SHISA9: variants seen among roughly 807,000 people sequenced by gnomAD.
The protein encoded by SHISA9 is shisa family member 9, also known as protein shisa-9.
In SHISA9, 13 loss-of-function variants were observed where a neutral mutation model predicts 38.0. The ratio of observed to expected loss-of-function variants is 0.34; its 90% CI spans 0.22 to 0.54. The LOEUF (loss-of-function observed/expected upper bound fraction) is 0.54. Among genes scored for constraint, SHISA9 ranks in the 20% least tolerant of loss-of-function variants. The probability of loss-of-function intolerance (pLI) is 0.91; values close to 1 mark genes in which losing one functional copy is unlikely to be tolerated. For missense variants in SHISA9, 538 were observed against 575.8 expected (o/e 0.93, Z 0.67); for synonymous variants, 275 against 242.0 (o/e 1.14, Z -1.27).
the SHISA9 span, among the ~76,000 whole-genome samples, chr16:13,457,638 A>G: frequency 6.6e-6 from 1 of 151,250 alleles, no homozygotes; most frequent in Non-Finnish European, 1.5e-5. Context: ...TTCTTTCTGT[A>G]TTACCTAGAG....
chr16:12,928,006 A>G (rs11859581), intron 2 of SHISA9, among the ~76,000 whole-genome samples: 2,068 of 152,328 alleles, frequency 0.014, 50 homozygotes, highest in African/African-American at 0.047. Flanking sequence ...AAATTAAGTA[A>G]AAAGAAACTA....
At position 13,039,729 on chromosome 16, in the gene SHISA9, C is replaced by T. The variant is rs559173340; in HGVS notation, c.691+122914C>T. Among the ~76,000 whole-genome samples, 289 of 152,252 alleles carry T rather than the reference C, an allele frequency of 1.9e-3. 1 individual carries two copies. The highest frequency in any genetic ancestry group is 6.7e-3 in the African/African-American group (280 of 41,566). ...GTGTACAGGGAATGCACAAACCCCA[C>T]ACACCTGTTCTTTGTCAAAGACTGC... On this transcript the variant is annotated intron_variant, in intron 2 of 4. Transcript: ENST00000558583.
intron 2 of SHISA9, among the ~76,000 whole-genome samples, chr16:12,998,260 G>A (rs546272330): frequency 1.3e-5 from 2 of 152,198 alleles, no homozygotes; most frequent in Non-Finnish European, 2.9e-5. Context: ...AGTTAAGGTA[G>A]GCTGTACCAC....
the SHISA9 span, among the ~76,000 whole-genome samples, chr16:13,466,552 A>G: frequency 3.9e-5 from 6 of 152,190 alleles, no homozygotes; most frequent in Non-Finnish European, 7.3e-5. Context: ...GAAATACAGA[A>G]TGGGTAGTTG....
intron 4 of SHISA9, 32 bp from the exon 5 acceptor site, chr16:13,234,997 TC>T (rs1320101475): frequency 8.1e-6 from 12 of 1,487,938 alleles, no homozygotes; most frequent in Non-Finnish European, 1.1e-5. Flanking sequence ...TTCTCTTTCT[TC>T]CCCTTCTTCA....
At chr16:12,915,135 A>G (rs1596526809) in intron 1 of SHISA9, among the ~76,000 whole-genome samples, 1 of 152,066 alleles carries the variant, frequency 6.6e-6, no homozygotes, top group East Asian at 1.9e-4. Flanking sequence ...CACCCTGGAG[A>G]ACTTCTCTGT....
At chr16:13,154,869 G>A (rs558621117) in intron 2 of SHISA9, among the ~76,000 whole-genome samples, 83 of 152,338 alleles carry the variant, frequency 5.4e-4, no homozygotes, top group Non-Finnish European at 8.2e-4. Flanking sequence ...GTTGTTCTCA[G>A]GATGTTTTGT....
intron 2 of SHISA9, among the ~76,000 whole-genome samples, chr16:12,948,789 C>T (rs1205619047): frequency 1.3e-5 from 2 of 152,150 alleles, no homozygotes; most frequent in African/African-American, 4.8e-5. Context: ...GGGTGGGACA[C>T]AGATATTCAG....
At chr16:13,163,697 G>T (rs1160956122) in intron 2 of SHISA9, among the ~76,000 whole-genome samples, 1 of 151,890 alleles carries the variant, frequency 6.6e-6, no homozygotes, top group South Asian at 2.1e-4. Flanking sequence ...TATTGTACAG[G>T]CCTTGCACAT....
intron 2 of SHISA9, among the ~76,000 whole-genome samples, chr16:12,999,133 C>G (rs901355639): frequency 2.6e-5 from 4 of 152,158 alleles, no homozygotes; most frequent in African/African-American, 9.7e-5. Context: ...GCTTACCTAA[C>G]CTGTATTTTC....
the SHISA9 span, among the ~76,000 whole-genome samples, chr16:13,262,694 A>AAGGG: frequency 9.9e-6 from 1 of 101,160 alleles, no homozygotes; most frequent in Non-Finnish European, 2.1e-5. Flanking sequence ...GGAAGGAAGG[A>AAGGG]AGGAAGGAAG....
At chr16:13,144,157 C>CTTTT (rs755627867) in intron 2 of SHISA9, among the ~76,000 whole-genome samples, 2 of 127,814 alleles carry the variant, frequency 1.6e-5, no homozygotes, top group African/African-American at 2.9e-5. Flanking sequence ...GGGGCTAGTT[C>CTTTT]TTTTTTTTTT....
intron 2 of SHISA9, among the ~76,000 whole-genome samples, chr16:13,034,146 C>CA (rs35039631): frequency 1.2e-3 from 167 of 141,482 alleles, no homozygotes; most frequent in South Asian, 4.6e-3. Flanking sequence ...AACTCCATCT[C>CA]AAAAAAAAAA....
the SHISA9 span, among the ~76,000 whole-genome samples, chr16:13,477,356 A>G: frequency 1.3e-5 from 2 of 152,344 alleles, no homozygotes; most frequent in Non-Finnish European, 2.9e-5. Flanking sequence ...AAAGTGATAG[A>G]GAAAAAGGAA....
At chr16:13,222,924 ACTTGCTATGAGGCAATGACAT>A (rs1344092817) in intron 4 of SHISA9, among the ~76,000 whole-genome samples, 1 of 152,146 alleles carries the variant, frequency 6.6e-6, no homozygotes, top group African/African-American at 2.4e-5. Context: ...CCCTTTGGAT[ACTTGCTATGAGGCAATGACAT>A]TGGCCTTTTT....
chr16:13,221,086 A>G (rs2051219893), intron 4 of SHISA9, among the ~76,000 whole-genome samples: 1 of 151,802 alleles, frequency 6.6e-6, no homozygotes, highest in African/African-American at 2.4e-5. Context: ...CAGGGTTAAG[A>G]CTAAAAAAGG....
the SHISA9 span, among the ~76,000 whole-genome samples, chr16:13,286,516 A>T: frequency 6.6e-6 from 1 of 152,192 alleles, no homozygotes; most frequent in Non-Finnish European, 1.5e-5. Flanking sequence ...GAGTGAACCA[A>T]TTGTCTGGGC....
the SHISA9 span, among the ~76,000 whole-genome samples, chr16:13,311,856 A>G: frequency 6.6e-6 from 1 of 152,176 alleles, no homozygotes; most frequent in Non-Finnish European, 1.5e-5. Context: ...TAAAAACGAG[A>G]TAGATAATAA....
At chr16:12,976,768 T>C (rs2072167919) in intron 2 of SHISA9, among the ~76,000 whole-genome samples, 1 of 152,026 alleles carries the variant, frequency 6.6e-6, no homozygotes, top group Admixed American at 6.6e-5. Flanking sequence ...CATGGTTGAG[T>C]TAGCCCTGCC....
Sources: gnomAD v4.1 joint callset for allele counts (sites outside exome capture counted in the v4.1 genomes callset) on GRCh38, gnomAD v4.1.1 for gene constraint, MANE v1.5 for transcripts, NCBI Gene and HGNC (gene_info 2026-07-23, HGNC 2026-07-21) for gene names.